Variants in GRIA4 observed in about 807,000 individuals in gnomAD.
GRIA4 encodes glutamate ionotropic receptor AMPA type subunit 4, also known as glutamate receptor 4.
In GRIA4, 34 loss-of-function variants were observed where a neutral mutation model predicts 104.0. That is an observed-to-expected ratio of 0.33 (90% CI 0.25 to 0.44). The LOEUF is 0.44. Ranked by LOEUF, GRIA4 falls within the 20% of genes least tolerant of loss-of-function variation. The pLI, the probability that GRIA4 is intolerant of heterozygous loss-of-function variation, is 1.00. For synonymous variants in GRIA4, 386 were observed against 381.9 expected (o/e 1.01, Z -0.13); for missense variants, 750 against 1,096.5 (o/e 0.68, Z 4.46).
chr11:105,675,014 A>T (rs1271094702), intron 3 of GRIA4, among the ~76,000 whole-genome samples: 1 of 151,852 alleles, frequency 6.6e-6, no homozygotes, highest in South Asian at 2.1e-4. Flanking sequence ...AACATTTTTT[A>T]AGTACTAAGA....
At chr11:105,789,654 A>T (rs984765679) in intron 4 of GRIA4, among the ~76,000 whole-genome samples, 1 of 152,094 alleles carries the variant, frequency 6.6e-6, no homozygotes, top group African/African-American at 2.4e-5. Flanking sequence ...AAGTTATTAG[A>T]GTCAATCATA....
intron 4 of GRIA4, among the ~76,000 whole-genome samples, chr11:105,837,792 A>G (rs1944249784): frequency 1.3e-5 from 2 of 152,176 alleles, no homozygotes; most frequent in South Asian, 4.1e-4. Context: ...AATTAAGACA[A>G]AAATATTGAA....
chr11:105,855,578 T>A (rs565330676), intron 4 of GRIA4, among the ~76,000 whole-genome samples: 1 of 152,176 alleles, frequency 6.6e-6, no homozygotes, highest in Non-Finnish European at 1.5e-5. Flanking sequence ...ATATTTATTC[T>A]GATTGGAAAT....
At chr11:105,769,183 G>A (rs1317541751) in intron 4 of GRIA4, among the ~76,000 whole-genome samples, 1 of 152,106 alleles carries the variant, frequency 6.6e-6, no homozygotes, top group Admixed American at 6.6e-5. Context: ...TATAATAGGT[G>A]TTCCATTAAA....
At chr11:105,814,965 G>A (rs1312546036) in intron 4 of GRIA4, among the ~76,000 whole-genome samples, 1 of 152,038 alleles carries the variant, frequency 6.6e-6, no homozygotes, top group Non-Finnish European at 1.5e-5. Context: ...TTCAGAGTAG[G>A]GCATGTGACC....
At chr11:105,954,305 T>C (rs1469179261) in intron 14 of GRIA4, among the ~76,000 whole-genome samples, 1 of 152,244 alleles carries the variant, frequency 6.6e-6, no homozygotes, top group Non-Finnish European at 1.5e-5. Flanking sequence ...TCTCAAATTT[T>C]ATTTAATCCA....
chr11:105,923,271 T>A (rs1947617701), intron 11 of GRIA4, among the ~76,000 whole-genome samples: 1 of 152,148 alleles, frequency 6.6e-6, no homozygotes, highest in Non-Finnish European at 1.5e-5. Flanking sequence ...GACAGTTTAG[T>A]TTTCACACTA....
intron 3 of GRIA4, among the ~76,000 whole-genome samples, chr11:105,617,698 A>G (rs1446268212): frequency 6.6e-6 from 1 of 152,078 alleles, no homozygotes; most frequent in East Asian, 1.9e-4. Flanking sequence ...TCATTAGATA[A>G]GATAATGAAT....
At chr11:105,734,055 T>G (rs1180324369) in intron 3 of GRIA4, among the ~76,000 whole-genome samples, 1 of 147,462 alleles carries the variant, frequency 6.8e-6, no homozygotes, top group Non-Finnish European at 1.5e-5. Flanking sequence ...ATAATATATG[T>G]ATATTATATA....
intron 4 of GRIA4, among the ~76,000 whole-genome samples, chr11:105,829,638 T>C (rs1432557502): frequency 6.6e-6 from 1 of 151,806 alleles, no homozygotes; most frequent in Non-Finnish European, 1.5e-5. Flanking sequence ...TAAGAAGACA[T>C]ATTCCTCCAC....
intron 3 of GRIA4, among the ~76,000 whole-genome samples, chr11:105,656,199 G>A (rs975581266): frequency 4.6e-5 from 7 of 151,784 alleles, no homozygotes; most frequent in South Asian, 2.1e-4. Flanking sequence ...TTGTAAATTC[G>A]TTTAAATTAT....
intron 6 of GRIA4, among the ~76,000 whole-genome samples, chr11:105,890,240 C>A (rs1946409375): frequency 6.6e-6 from 1 of 152,178 alleles, no homozygotes; most frequent in Non-Finnish European, 1.5e-5. Context: ...ACAAGGTTAA[C>A]TCCCTGGAGA....
intron 6 of GRIA4, among the ~76,000 whole-genome samples, chr11:105,893,275 T>C (rs1946520085): frequency 1.3e-5 from 2 of 152,096 alleles, no homozygotes; most frequent in African/African-American, 4.8e-5. Flanking sequence ...GCCCAGGAAC[T>C]CTCAGATCCA....
At chr11:105,670,562 T>C (rs1190657456) in intron 3 of GRIA4, among the ~76,000 whole-genome samples, 1 of 152,158 alleles carries the variant, frequency 6.6e-6, no homozygotes, top group Non-Finnish European at 1.5e-5. Context: ...GCAACAAACA[T>C]AATTTTGGTG....
chr11:105,740,511 C>CA (rs1939239485), intron 3 of GRIA4, among the ~76,000 whole-genome samples: 1 of 152,210 alleles, frequency 6.6e-6, no homozygotes, highest in Non-Finnish European at 1.5e-5. Flanking sequence ...AGGGATATGT[C>CA]AGTGAAAAAC....
intron 14 of GRIA4, among the ~76,000 whole-genome samples, chr11:105,951,594 A>G (rs922774991): frequency 6.6e-6 from 1 of 152,218 alleles, no homozygotes; most frequent in African/African-American, 2.4e-5. Context: ...GGTATGAAAT[A>G]TGAATAGTTG....
intron 3 of GRIA4, among the ~76,000 whole-genome samples, chr11:105,736,209 ACT>A: frequency 6.6e-6 from 1 of 152,144 alleles, no homozygotes; most frequent in Non-Finnish European, 1.5e-5. Context: ...TGGGGTAAGT[ACT>A]CTCAGATTCA....
At chr11:105,808,490 G>A (rs1943041391) in intron 4 of GRIA4, among the ~76,000 whole-genome samples, 1 of 151,888 alleles carries the variant, frequency 6.6e-6, no homozygotes, top group Non-Finnish European at 1.5e-5. Context: ...TTTTATTATT[G>A]TGGCTTGATC....
chr11:105,733,570 C>T (rs1480302744), intron 3 of GRIA4, among the ~76,000 whole-genome samples: 1 of 152,062 alleles, frequency 6.6e-6, no homozygotes, highest in Non-Finnish European at 1.5e-5. Context: ...AATTCTGCTG[C>T]CTCAGCCTCC....
Sources: gnomAD v4.1 joint callset for allele counts (sites outside exome capture counted in the v4.1 genomes callset) on GRCh38, gnomAD v4.1.1 for gene constraint, MANE v1.5 for transcripts, NCBI Gene and HGNC (gene_info 2026-07-23, HGNC 2026-07-21) for gene names.